FBXW11: variants seen among roughly 807,000 people sequenced by gnomAD.
The protein encoded by FBXW11 is F-box/WD repeat-containing protein 11.
Under a neutral mutation model 77.6 loss-of-function variants are expected in FBXW11, and 19 were observed. The observed-to-expected ratio is 0.24, with a 90% CI of 0.17 to 0.36. The LOEUF is 0.36. Ranked by LOEUF, FBXW11 falls within the 10% of genes least tolerant of loss-of-function variation. FBXW11 has a pLI of 1.00. For missense variants in FBXW11, 334 were observed against 704.2 expected (o/e 0.47, Z 5.95); for synonymous variants, 235 against 249.4 (o/e 0.94, Z 0.54).
intron 6 of FBXW11, among the ~76,000 whole-genome samples, chr5:171,893,421 C>CAAAAAAAAAAAACAAAA (rs757678376): frequency 2.5e-5 from 1 of 39,842 alleles, no homozygotes; most frequent in Non-Finnish European, 4.5e-5. Flanking sequence ...ACTTCAAAAC[C>CAAAAAAAAAAAACAAAA]AAAAAAAAAA....
rs538479066 is a variant in FBXW11 at position 171,876,327 on chromosome 5, G to A, written c.1179C>T (p.Asp393=). ...CAGAGGCAGACACGATGTACTTGTC[G>A]TCAAAGTCTACTACATTGACGGCAG... ...HRAAVNVVDF[D]DKYIVSASGD... The change falls in exon 9 of 14, where the codon GAC becomes GAT. Residue 393 remains aspartate (D), a synonymous_variant. Coordinates refer to ENST00000517395, the MANE Select transcript of FBXW11 (RefSeq NM_001378974.1). The surrounding 1 kb of genome is among the most constrained non-coding windows in gnomAD (Gnocchi z 4.2). 1.9e-5 allele frequency: 31 copies of A among 1,614,216 alleles called. No homozygotes were observed. The highest frequency in any genetic ancestry group is 1.7e-4 in the Middle Eastern group (1 of 6,060).
At chr5:171,975,574 T>C (rs1168469266) in intron 1 of FBXW11, among the ~76,000 whole-genome samples, 6 of 152,168 alleles carry the variant, frequency 3.9e-5, no homozygotes, top group African/African-American at 1.2e-4. Flanking sequence ...TGTAAGTAAA[T>C]AAAATCTATC....
intron 2 of FBXW11, among the ~76,000 whole-genome samples, chr5:171,927,772 T>C (rs937330072): frequency 6.6e-6 from 1 of 152,252 alleles, no homozygotes; most frequent in Non-Finnish European, 1.5e-5. Flanking sequence ...CATTTTTTAC[T>C]ATTAAACACA....
chr5:171,903,065 C>A (rs188347228), intron 4 of FBXW11, among the ~76,000 whole-genome samples: 2 of 152,280 alleles, frequency 1.3e-5, no homozygotes, highest in East Asian at 1.9e-4. Context: ...ACATTTTGGA[C>A]AATTTAACAT....
intron 1 of FBXW11, among the ~76,000 whole-genome samples, chr5:171,996,497 T>C (rs1766059048): frequency 6.6e-6 from 1 of 152,128 alleles, no homozygotes. Flanking sequence ...TGAGACCCTG[T>C]CTCTACAAAA....
At chr5:171,977,768 A>C (rs1472036903) in intron 1 of FBXW11, 1 of 348,138 alleles carries the variant, frequency 2.9e-6, no homozygotes, top group Admixed American at 3.7e-5. Flanking sequence ...AAGAAAGATC[A>C]GATCTCGTGA....
In FBXW11 at chr5:171,893,087, G is replaced by A. The variant is rs571811233; in HGVS notation, c.715-1483C>T. Among the ~76,000 whole-genome samples, 33 of 152,218 alleles carry A rather than the reference G, an allele frequency of 2.2e-4. No individual in the cohort carries two copies. The Middle Eastern group carries it at 0.01, about 47-fold the overall frequency. ...TAATTTAATCGTGACTCTGAAGCAG[G>A]AATCATTGTTCGCATTTTATAGAAA... is the stretch of plus-strand genomic sequence containing the variant. On this transcript the variant is annotated intron_variant, in intron 6 of 13. Coordinates refer to ENST00000517395, the MANE Select transcript of FBXW11 (RefSeq NM_001378974.1).
intron 4 of FBXW11, among the ~76,000 whole-genome samples, chr5:171,902,142 G>A (rs187493463): frequency 1.3e-5 from 2 of 152,240 alleles, no homozygotes; most frequent in African/African-American, 4.8e-5. Context: ...TTCTGTCCTC[G>A]GAGGTATTTG....
At chr5:171,865,957 T>A (rs1757365494) in intron 13 of FBXW11, among the ~76,000 whole-genome samples, 1 of 152,202 alleles carries the variant, frequency 6.6e-6, no homozygotes, top group Non-Finnish European at 1.5e-5. Context: ...ATTTTTTTCA[T>A]GTTACAATAA....
intron 2 of FBXW11, among the ~76,000 whole-genome samples, chr5:171,951,576 G>T (rs115478700): frequency 5.8e-5 from 8 of 137,516 alleles, no homozygotes; most frequent in East Asian, 2.2e-4. Flanking sequence ...ATTTTTTTTT[G>T]AAAATAAAAA....
Position 171,870,790 on chromosome 5 carries a change from A to G in FBXW11, c.1409T>C (p.Ile470Thr). Residue 470 changes from isoleucine to threonine, a missense_variant, in exon 11 of 14, where the codon ATC (isoleucine) becomes ACC (threonine). Coordinates refer to ENST00000517395, the MANE Select transcript of FBXW11 (RefSeq NM_001378974.1). Reference protein sequence around the residue: ...LEGHEELVRCIRFDNKRIVSG... With the variant: ...LEGHEELVRCTRFDNKRIVSG... ...GACAATCCTCTTGTTATCAAACCGG[A>G]TGCATCGGACCAATTCTTCATGTCC... 6.2e-7 allele frequency: 1 copy of G among 1,614,056 alleles called. No individual in the cohort carries two copies. The highest frequency in any genetic ancestry group is 8.5e-7 in the Non-Finnish European group (1 of 1,179,926).
At chr5:171,964,507 A>G (rs888253945) in intron 1 of FBXW11, among the ~76,000 whole-genome samples, 5 of 152,220 alleles carry the variant, frequency 3.3e-5, no homozygotes, top group Non-Finnish European at 7.3e-5. Flanking sequence ...CAAATAAACT[A>G]AGCATTAAAG....
intron 1 of FBXW11, among the ~76,000 whole-genome samples, chr5:171,992,432 AAGAG>A (rs1018994486): frequency 6.6e-6 from 1 of 151,878 alleles, no homozygotes; most frequent in African/African-American, 2.4e-5. Flanking sequence ...GTGAAAGAAA[AAGAG>A]AGAAAGGGGG....
chr5:171,916,411 T>A (rs1311630676), intron 2 of FBXW11: 9 of 982,574 alleles, frequency 9.2e-6, no homozygotes, highest in Non-Finnish European at 1.1e-5. Flanking sequence ...AGGTCCACAA[T>A]GAGGGAGAGG....
At chr5:171,866,447 A>T (rs1437296180) in intron 13 of FBXW11, among the ~76,000 whole-genome samples, 1 of 152,166 alleles carries the variant, frequency 6.6e-6, no homozygotes, top group Non-Finnish European at 1.5e-5. Flanking sequence ...AATTGATCAC[A>T]ACTAGGCAGT....
At chr5:171,992,305 G>A (rs1044526687) in intron 1 of FBXW11, among the ~76,000 whole-genome samples, 1 of 151,510 alleles carries the variant, frequency 6.6e-6, no homozygotes, top group Non-Finnish European at 1.5e-5. Context: ...GCATGTGCCT[G>A]TAGTCCCAGC....
intron 4 of FBXW11, among the ~76,000 whole-genome samples, chr5:171,906,619 G>A (rs774488759): frequency 2.6e-5 from 4 of 152,072 alleles, no homozygotes; most frequent in Non-Finnish European, 4.4e-5. Flanking sequence ...TAGATGCCAG[G>A]CATATTATAA....
intron 9 of FBXW11, among the ~76,000 whole-genome samples, chr5:171,874,675 C>A (rs961118790): frequency 6.7e-6 from 1 of 148,710 alleles, no homozygotes; most frequent in East Asian, 2.0e-4. Context: ...AATGGTACAG[C>A]GCCTTTGGAA....
chr5:171,961,551 G>A (rs932335871), intron 1 of FBXW11, among the ~76,000 whole-genome samples: 2 of 152,104 alleles, frequency 1.3e-5, no homozygotes, highest in African/African-American at 2.4e-5. Context: ...TAGATCAGGA[G>A]GACATTGATC....
Sources: gnomAD v4.1 joint callset for allele counts (sites outside exome capture counted in the v4.1 genomes callset) on GRCh38, gnomAD v4.1.1 for gene constraint, Gnocchi (gnomAD v3.1) non-coding constraint, MANE v1.5 for transcripts, NCBI Gene and HGNC (gene_info 2026-07-23, HGNC 2026-07-21) for gene names.